TRIM49B: variants seen among roughly 807,000 people sequenced by gnomAD.
TRIM49B encodes the protein tripartite motif containing 49B, also known as putative tripartite motif-containing protein 49B.
A neutral mutation model predicts 31.8 loss-of-function variants in TRIM49B; 18 were observed. That is an observed-to-expected ratio of 0.57 (90% CI 0.39 to 0.84). The LOEUF (loss-of-function observed/expected upper bound fraction) is 0.84. Among genes scored for constraint, TRIM49B ranks in the 40% least tolerant of loss-of-function variants. The pLI is 0.00. For synonymous variants in TRIM49B, 196 were observed against 180.6 expected, an observed-to-expected ratio of 1.09 and a Z score of -0.68; for missense variants, 494 against 538.7, an observed-to-expected ratio of 0.92 and a Z score of 0.82.
rs1210975669 is a variant in TRIM49B at position 49,037,547 on chromosome 11, G to C, written c.929G>C (p.Cys310Ser). ...CTATGTGAAATTTTGAGAAGCATGT[G>C]TATTGGATGTGACCATCAAGATGTA... ...IFLCEILRSMCIGCDHQDVPY... is the reference protein window; with the variant it reads ...IFLCEILRSMSIGCDHQDVPY... The change falls in exon 7 of 7, where the codon TGT (cysteine) becomes TCT (serine). Residue 310 changes from cysteine (C) to serine (S), a missense_variant. Transcript: ENST00000332682. 1 of 1,614,148 alleles carries C rather than the reference G, an allele frequency of 6.2e-7. No homozygotes were observed. The highest frequency in any genetic ancestry group is 1.7e-5 in the Admixed American group (1 of 60,016).
Position 49,028,984 on chromosome 11 carries a change from A to G in TRIM49B, c.-5+9A>G, listed in dbSNP as rs1854415432. 6.5e-6 allele frequency: 1 copy of G among 153,150 alleles called. No homozygotes were observed. Among genetic ancestry groups the G allele is most frequent in the Non-Finnish European group, 1.5e-5 (1 of 68,046 alleles). The allele number at this position is 153,150 out of a possible 1,614,324, so 9.5% of individuals were successfully genotyped here. A position where few individuals can be genotyped will look rare whatever the true frequency, so the allele number is the denominator to read the frequency against. On this transcript the variant is annotated intron_variant, in intron 1 of 6. Transcript: ENST00000332682. ...ATTAAAAGAACTCAGGGGTGAGTGA[A>G]ACATATTGATAAAATTATATCATCT...
At position 49,036,395 on chromosome 11, in the gene TRIM49B, C is replaced by T. The variant is rs1224475114; in HGVS notation, c.856C>T (p.Arg286Ter). ...ACTGAGGGACAGGCTCAACCAATTCCGAGGTAAGTCTCCACCCACAGGCAG... is the reference window on the plus strand; with the variant it reads ...ACTGAGGGACAGGCTCAACCAATTCTGAGGTAAGTCTCCACCCACAGGCAG... ...TGLRDRLNQF[R>*]VHITLHHEEA... Residue 286 changes from arginine to a stop codon, truncating the protein, a stop_gained, in exon 6 of 7, where the codon CGA becomes TGA. Coordinates refer to ENST00000332682, the MANE Select transcript of TRIM49B (RefSeq NM_001206626.2). LOFTEE classifies it low-confidence loss of function (END_TRUNC). 9 of 1,537,288 alleles carry T rather than the reference C, an allele frequency of 5.9e-6. No individual in the cohort carries two copies. Among genetic ancestry groups the T allele is most frequent in the Admixed American group, 5.7e-5 (3 of 52,590 alleles).
In TRIM49B at chr11:49,038,145, A is replaced by G; in HGVS notation, c.*168A>G. ...ATTGTGTTACTATTAAATATGCTGA[A>G]AACACTAAAAGTATATGTATTGGTT... On this transcript the variant is annotated 3_prime_UTR_variant, in exon 7 of 7. Coordinates refer to ENST00000332682, the MANE Select transcript of TRIM49B (RefSeq NM_001206626.2). 7.0e-7 allele frequency: 1 copy of G among 1,422,038 alleles called. No homozygotes were observed. The highest frequency in any genetic ancestry group is 9.4e-7 in the Non-Finnish European group (1 of 1,063,388). The allele number at this position is 1,422,038 out of a possible 1,614,324, so 88.1% of individuals were successfully genotyped here.
chr11:49,037,483 AT>A lies in TRIM49B; in HGVS notation c.867del (p.Thr290LeufsTer17). On this transcript the variant is annotated frameshift_variant, in exon 7 of 7. Coordinates refer to ENST00000332682, the MANE Select transcript of TRIM49B (RefSeq NM_001206626.2). LOFTEE classifies it low-confidence loss of function (END_TRUNC). ...GTTTTCTCTTTTTTTTGCAGTGCAT[AT>A]TACTCTGCATCATGAAGAAGCCAAC... Reference protein sequence around the residue: ...RDRLNQFRVHITLHHEEANSD... With the variant: ...RDRLNQFRVHXTLHHEEANSD... The A allele has an allele frequency of 6.2e-7, 1 of 1,613,748 alleles. No homozygotes were observed. The highest frequency in any genetic ancestry group is 2.2e-5 in the East Asian group (1 of 44,862).
At chr11:49,036,196 A>T (rs1221250259) in intron 5 of TRIM49B, 105 bp from the exon 6 acceptor site, 9 of 1,555,330 alleles carry the variant, frequency 5.8e-6, no homozygotes, top group Admixed American at 3.8e-5. Context: ...GAATTATCAA[A>T]TGTGTAGATT....
At position 49,031,717 on chromosome 11, in the gene TRIM49B, T is replaced by C; in HGVS notation, c.118T>C (p.Tyr40His). ...GCACAGCTTTTGCAGGCCTTGTTTC[T>C]ACCTCAACTGGAAAGACAGCCCATT... is the stretch of plus-strand genomic sequence containing the variant. Reference protein sequence around the residue: ...CGHSFCRPCFYLNWKDSPFLV... With the variant: ...CGHSFCRPCFHLNWKDSPFLV... Residue 40 changes from tyrosine (Y) to histidine (H), a missense_variant, in exon 2 of 7, where the codon TAC (tyrosine) becomes CAC (histidine). By Grantham distance (83) the Tyr-to-His change is moderately conservative (BLOSUM62 2). Around this residue, in one of 3 missense-constraint regions of TRIM49B, gnomAD observed 251 missense variants for 232.8 expected, o/e 1.08. Coordinates refer to ENST00000332682, the MANE Select transcript of TRIM49B (RefSeq NM_001206626.2). 2.5e-6 allele frequency: 4 copies of C among 1,613,992 alleles called. No individual in the cohort carries two copies. The highest frequency in any genetic ancestry group is 1.3e-5 in the African/African-American group (1 of 75,046).
At chr11:49,034,997 T>A in intron 4 of TRIM49B, 98 bp from the exon 5 acceptor site, 1 of 1,567,958 alleles carries the variant, frequency 6.4e-7, no homozygotes, top group Non-Finnish European at 8.7e-7. Flanking sequence ...GGTAGGGGAA[T>A]AATATCTTCA....
chr11:49,030,040 A>G (rs1346726539), intron 1 of TRIM49B, among the ~76,000 whole-genome samples: 2 of 152,204 alleles, frequency 1.3e-5, no homozygotes, highest in African/African-American at 4.8e-5. Flanking sequence ...TATTAAAACA[A>G]TAAAACCACC....
chr11:49,035,585 C>A (rs2134700647), intron 5 of TRIM49B, among the ~76,000 whole-genome samples: 1 of 151,942 alleles, frequency 6.6e-6, no homozygotes, highest in Admixed American at 6.5e-5. Context: ...GTCTCTATCT[C>A]CTGACCCCGT....
chr11:49,034,315 T>C lies in TRIM49B; in HGVS notation c.677T>C (p.Leu226Ser). The C allele has an allele frequency of 1.2e-6, 2 of 1,611,994 alleles. No individual in the cohort carries two copies. Among genetic ancestry groups the C allele is most frequent in the Non-Finnish European group, 1.7e-6 (2 of 1,179,824 alleles). ...AAAATGGCTCATAGGAGGGAGATTT[T>C]AAGAGGAATGTATGAGGAGCTGAAC... ...KAKMAHRREI[L>S]RGMYEELNEM... Residue 226 changes from leucine (L) to serine (S), a missense_variant, in exon 4 of 7, where the codon TTA becomes TCA. Coordinates refer to ENST00000332682, the MANE Select transcript of TRIM49B (RefSeq NM_001206626.2).
chr11:49,036,520 T>C (rs1590636700), intron 6 of TRIM49B, 122 bp downstream of exon 6: 2 of 631,304 alleles, frequency 3.2e-6, no homozygotes, highest in East Asian at 2.8e-5. Context: ...GTGAACAATA[T>C]AACCATGCAA....
rs1854501595 is a variant in TRIM49B, at chr11:49,034,955, T to C, written c.739-140T>C. On this transcript the variant is annotated intron_variant, in intron 4 of 6. Coordinates refer to ENST00000332682, the MANE Select transcript of TRIM49B (RefSeq NM_001206626.2). ...ACTGGGTTTTTCATTACAGAAGAAATGAAATAGAAAATACTTTCCAGAAGA... is the reference window on the plus strand; with the variant it reads ...ACTGGGTTTTTCATTACAGAAGAAACGAAATAGAAAATACTTTCCAGAAGA... The C allele has an allele frequency of 8.3e-6, 12 of 1,451,694 alleles. No homozygotes were observed. The South Asian group carries it at 1.3e-4, about 16-fold the overall frequency. The allele number at this position is 1,451,694 out of a possible 1,614,324, so 89.9% of individuals were successfully genotyped here.
chr11:49,036,950 C>A (rs1287984190), intron 6 of TRIM49B, among the ~76,000 whole-genome samples: 2 of 152,048 alleles, frequency 1.3e-5, no homozygotes, highest in African/African-American at 2.4e-5. Flanking sequence ...ATATGAAGAG[C>A]TACATGTTAA....
chr11:49,032,666 T>G (rs1350161583), intron 3 of TRIM49B, among the ~76,000 whole-genome samples: 1 of 151,956 alleles, frequency 6.6e-6, no homozygotes, highest in Non-Finnish European at 1.5e-5. Flanking sequence ...TCGCACAGCA[T>G]TCTATATTTG....
chr11:49,033,517 A>G (rs972564337), intron 3 of TRIM49B, among the ~76,000 whole-genome samples: 1 of 152,080 alleles, frequency 6.6e-6, no homozygotes, highest in Non-Finnish European at 1.5e-5. Flanking sequence ...GTATACATAT[A>G]TATGTAATTC....
rs771864831 is a variant in TRIM49B, at chr11:49,038,012, G to A, written c.*35G>A. The A allele has an allele frequency of 6.4e-5, 102 of 1,585,864 alleles. No homozygotes were observed. The highest frequency in any genetic ancestry group is 8.1e-5 in the Non-Finnish European group (95 of 1,168,012). On this transcript the variant is annotated 3_prime_UTR_variant, in exon 7 of 7. Coordinates refer to ENST00000332682, the MANE Select transcript of TRIM49B (RefSeq NM_001206626.2). ...AATCAGAAATGTGTTCACATGCTGT[G>A]GGAACCCCTTTATCCCAGGAAGTCC...
intron 1 of TRIM49B, among the ~76,000 whole-genome samples, chr11:49,029,400 T>C (rs1854419622): frequency 6.6e-6 from 1 of 152,198 alleles, no homozygotes; most frequent in Admixed American, 6.5e-5. Flanking sequence ...CGATGCAAAA[T>C]AGTGAAACTA....
intron 1 of TRIM49B, among the ~76,000 whole-genome samples, chr11:49,029,516 A>T (rs1032915821): frequency 6.6e-6 from 1 of 152,256 alleles, no homozygotes; most frequent in African/African-American, 2.4e-5. Flanking sequence ...TGTGATTGTC[A>T]TCTCACTTGA....
Position 49,036,633 on chromosome 11 carries a change from T to C in TRIM49B, c.859+235T>C, listed in dbSNP as rs541045102. ...CTGGCATAATATGTACTGAGTTATA[T>C]AATAGGAAAAAGGAGTAGTGTAGAA... On this transcript the variant is annotated intron_variant, in intron 6 of 6. Transcript: ENST00000332682. Among the ~76,000 whole-genome samples the C allele has an allele frequency of 4.6e-5, 7 of 152,232 alleles. No homozygotes were observed. In the South Asian group the frequency reaches 1.2e-3, roughly 27 times the overall value.
Sources: allele counts gnomAD v4.1 joint callset (sites outside exome capture counted in the v4.1 genomes callset), GRCh38; gene constraint gnomAD v4.1.1; regional missense constraint gnomAD v4.1.1; transcripts MANE v1.5; gene names NCBI Gene and HGNC (gene_info 2026-07-23, HGNC 2026-07-21).